TLN2: variants seen among roughly 807,000 people sequenced by gnomAD.
The protein encoded by TLN2 is talin 2.
In TLN2, 118 loss-of-function variants were observed where a neutral mutation model predicts 294.7. The ratio of observed to expected loss-of-function variants is 0.40; its 90% CI spans 0.34 to 0.47. The LOEUF is 0.47. Among genes scored for constraint, TLN2 ranks in the 20% least tolerant of loss-of-function variants. The pLI, the probability that TLN2 is intolerant of heterozygous loss-of-function variation, is 0.84. For synonymous variants in TLN2, 1,431 were observed against 1,304.5 expected, an observed-to-expected ratio of 1.10 and a Z score of -2.09; for missense variants, 3,083 against 3,282.2, an observed-to-expected ratio of 0.94 and a Z score of 1.48.
At chr15:62,695,517 C>A (rs1240159352) in intron 14 of TLN2, among the ~76,000 whole-genome samples, 1 of 152,160 alleles carries the variant, frequency 6.6e-6, no homozygotes, top group Non-Finnish European at 1.5e-5. Context: ...GTGGTAGAGC[C>A]AGGACTCAGA....
At chr15:62,801,567 C>G (rs2051351176) in intron 50 of TLN2, among the ~76,000 whole-genome samples, 1 of 152,288 alleles carries the variant, frequency 6.6e-6, no homozygotes, top group African/African-American at 2.4e-5. Context: ...ACCTAGAGCA[C>G]TAGAAACAAT....
At chr15:62,603,299 T>A (rs1323179023) in intron 2 of TLN2, among the ~76,000 whole-genome samples, 4 of 152,184 alleles carry the variant, frequency 2.6e-5, no homozygotes, top group African/African-American at 9.6e-5. Context: ...TTTTTTAAAA[T>A]GTGTGTAAGC....
chr15:62,418,993 A>C (rs568762586), intron 1 of TLN2, among the ~76,000 whole-genome samples: 1 of 152,202 alleles, frequency 6.6e-6, no homozygotes, highest in Non-Finnish European at 1.5e-5. Context: ...ACTTTTAAGT[A>C]CATTTGGAAT....
At chr15:62,649,548 G>T (rs1374369660) in intron 4 of TLN2, among the ~76,000 whole-genome samples, 1 of 152,088 alleles carries the variant, frequency 6.6e-6, no homozygotes, top group East Asian at 1.9e-4. Context: ...CCTTTTACAT[G>T]ATTTGTTGGT....
chr15:62,595,648 A>G (rs751962678), intron 2 of TLN2, among the ~76,000 whole-genome samples: 4 of 152,196 alleles, frequency 2.6e-5, no homozygotes, highest in Non-Finnish European at 4.4e-5. Flanking sequence ...TAGCTGGGAT[A>G]TGGAATCAAC....
intron 12 of TLN2, among the ~76,000 whole-genome samples, chr15:62,688,794 G>C (rs1249313697): frequency 1.3e-5 from 2 of 152,048 alleles, no homozygotes; most frequent in Non-Finnish European, 2.9e-5. Flanking sequence ...GAAGTCTACT[G>C]TATCTAATGT....
At chr15:62,654,806 A>G (rs2053020566) in intron 7 of TLN2, among the ~76,000 whole-genome samples, 1 of 150,494 alleles carries the variant, frequency 6.6e-6, no homozygotes, top group South Asian at 2.1e-4. Context: ...GTTACTGGAA[A>G]GTCATTTTCT....
chr15:62,477,198 G>A (rs1035542830), intron 1 of TLN2, among the ~76,000 whole-genome samples: 2 of 152,062 alleles, frequency 1.3e-5, no homozygotes, highest in African/African-American at 4.8e-5. Context: ...AAGCATCCTG[G>A]GCATCTTGTT....
Position 62,708,638 on chromosome 15 carries a change from T to G in TLN2, c.2309T>G (p.Val770Gly), listed in dbSNP as rs779029456. ...ACCGATAGTGAGCTCCTGAAGCAGG[T>G]CAGCGCAGCGGCCAGCGTGGTCAGC... ...ATTDSELLKQ[V>G]SAAASVVSQA... The change falls in exon 21 of 59, where the codon GTC (valine) becomes GGC (glycine). Residue 770 changes from valine (V) to glycine (G), a missense_variant. Physicochemically the swap from Val to Gly is moderately radical, Grantham distance 109. Coordinates refer to ENST00000636159, the MANE Select transcript of TLN2 (RefSeq NM_015059.3). The G allele has an allele frequency of 7.4e-6, 12 of 1,614,090 alleles. No individual in the cohort carries two copies. The highest frequency in any genetic ancestry group is 5.9e-6 in the Non-Finnish European group (7 of 1,180,016).
intron 1 of TLN2, among the ~76,000 whole-genome samples, chr15:62,420,677 G>A (rs895463122): frequency 4.6e-5 from 7 of 152,220 alleles, no homozygotes; most frequent in Non-Finnish European, 2.9e-5. Flanking sequence ...AGGCTGGGAT[G>A]TAACAAAAGC....
At chr15:62,411,267 C>T (rs1160907361) in intron 1 of TLN2, among the ~76,000 whole-genome samples, 2 of 152,198 alleles carry the variant, frequency 1.3e-5, no homozygotes, top group African/African-American at 4.8e-5. Flanking sequence ...GTCACCTAAC[C>T]ACTGTAAGCC....
intron 1 of TLN2, among the ~76,000 whole-genome samples, chr15:62,541,833 A>T (rs780790162): frequency 1.3e-5 from 2 of 151,946 alleles, no homozygotes; most frequent in Non-Finnish European, 2.9e-5. Flanking sequence ...TTGTAACTTC[A>T]AGATGTTTGT....
At chr15:62,656,118 G>A (rs777806480) in intron 8 of TLN2, 32 bp downstream of exon 8, 2 of 1,605,460 alleles carry the variant, frequency 1.2e-6, no homozygotes, top group African/African-American at 1.3e-5. Context: ...CACTGAGGTT[G>A]GTGAGATTGC....
chr15:62,415,547 A>G (rs1219229536), intron 1 of TLN2, among the ~76,000 whole-genome samples: 1 of 151,244 alleles, frequency 6.6e-6, no homozygotes, highest in Non-Finnish European at 1.5e-5. Flanking sequence ...CTTTGAGGGG[A>G]AAGAGGACAG....
chr15:62,417,847 C>G (rs1395063623), intron 1 of TLN2, among the ~76,000 whole-genome samples: 1 of 152,214 alleles, frequency 6.6e-6, no homozygotes, highest in Non-Finnish European at 1.5e-5. Flanking sequence ...CCTTCCCCTC[C>G]CTTTTACCGC....
chr15:62,442,263 A>G lies in TLN2; in HGVS notation c.-238+51578A>G, dbSNP rs2035583137. Among the ~76,000 whole-genome samples the G allele has an allele frequency of 2.0e-5, 3 of 151,978 alleles. No individual in the cohort carries two copies. In the South Asian group the frequency reaches 6.2e-4, roughly 32 times the overall value. On this transcript the variant is annotated intron_variant, in intron 1 of 58. Coordinates refer to ENST00000636159, the MANE Select transcript of TLN2 (RefSeq NM_015059.3). ...GTAATCCCAGCACTTGGGAAGGCCG[A>G]GGTGAGTGGATCACCTGAGGTCAGG...
At chr15:62,701,265 G>GT (rs112892235) in intron 17 of TLN2, 51 bp downstream of exon 17, 63,704 of 1,072,624 alleles carry the variant, frequency 0.059, 1,055 homozygotes, top group African/African-American at 0.21. Context: ...TAAAAGCTGT[G>GT]TTTTTTTTTT....
intron 1 of TLN2, among the ~76,000 whole-genome samples, chr15:62,588,581 G>A (rs1022452759): frequency 4.0e-5 from 6 of 149,542 alleles, no homozygotes; most frequent in Non-Finnish European, 8.9e-5. Flanking sequence ...ACAGTGAGCC[G>A]AGATGGCACC....
intron 1 of TLN2, among the ~76,000 whole-genome samples, chr15:62,428,445 ATTTAT>A (rs1339519970): frequency 1.3e-5 from 2 of 152,174 alleles, no homozygotes; most frequent in East Asian, 3.8e-4. Context: ...TCCCTCTAGA[ATTTAT>A]TTTAAGAATA....
Sources: gnomAD v4.1 joint callset for allele counts (sites outside exome capture counted in the v4.1 genomes callset) on GRCh38, gnomAD v4.1.1 for gene constraint, MANE v1.5 for transcripts, NCBI Gene and HGNC (gene_info 2026-07-23, HGNC 2026-07-21) for gene names.